Variants in TSHZ3 observed in about 807,000 individuals in gnomAD.
TSHZ3 encodes the protein teashirt homolog 3.
TSHZ3 carries 10 observed loss-of-function variants against 64.5 expected under a neutral mutation model. The observed-to-expected ratio is 0.16, with a 90% confidence interval of 0.10 to 0.26. TSHZ3 has a LOEUF of 0.26. Among genes scored for constraint, TSHZ3 ranks in the 10% least tolerant of loss-of-function variants. TSHZ3 has a pLI of 1.00. For synonymous variants in TSHZ3, 608 were observed against 593.1 expected (o/e 1.03, Z -0.36); for missense variants, 1,242 against 1,421.7 (o/e 0.87, Z 2.03).
At chr19:31,232,029 T>C (rs1251332370) in intron 3 of TSHZ3, among the ~76,000 whole-genome samples, 1 of 152,010 alleles carries the variant, frequency 6.6e-6, no homozygotes, top group African/African-American at 2.4e-5. Flanking sequence ...TCAGGGATGG[T>C]CAGAATAAAG....
intron 1 of TSHZ3, among the ~76,000 whole-genome samples, chr19:31,297,881 C>T (rs1280170934): frequency 1.3e-5 from 2 of 152,192 alleles, no homozygotes; most frequent in African/African-American, 4.8e-5. Flanking sequence ...CCTGGCCATC[C>T]CTGCCCTAAT....
intron 1 of TSHZ3, among the ~76,000 whole-genome samples, chr19:31,251,688 C>T (rs147457671): frequency 6.6e-6 from 1 of 152,308 alleles, no homozygotes; most frequent in East Asian, 1.9e-4. Flanking sequence ...GCCACCTAGA[C>T]CAGTCCATCT....
chr19:31,325,532 C>T (rs1454269623), intron 1 of TSHZ3, among the ~76,000 whole-genome samples: 2 of 152,178 alleles, frequency 1.3e-5, no homozygotes, highest in Admixed American at 6.5e-5. Context: ...CCTACCTAAG[C>T]GCTGACGGCC....
intron 1 of TSHZ3, among the ~76,000 whole-genome samples, chr19:31,310,509 C>T (rs960832667): frequency 6.6e-6 from 1 of 152,154 alleles, no homozygotes; most frequent in Admixed American, 6.5e-5. Flanking sequence ...TCCCTTCCAC[C>T]TTCTTAAAGG....
At chr19:31,265,416 A>G (rs1976041577) in intron 1 of TSHZ3, among the ~76,000 whole-genome samples, 1 of 150,018 alleles carries the variant, frequency 6.7e-6, no homozygotes, top group African/African-American at 2.4e-5. Flanking sequence ...AAAAAAAAAA[A>G]AAAAGAAAGA....
Position 31,278,329 on chromosome 19 carries a change from T to C in TSHZ3, c.1464A>G (p.Lys488=). 4 of 1,614,236 alleles carry C rather than the reference T, an allele frequency of 2.5e-6. No homozygotes were observed. The highest frequency in any genetic ancestry group is 1.6e-4 in the Middle Eastern group (1 of 6,062). The change falls in exon 2 of 2, where the codon AAA becomes AAG. Residue 488 remains lysine (K), a synonymous_variant. Coordinates refer to ENST00000240587, the MANE Select transcript of TSHZ3 (RefSeq NM_020856.4). The surrounding 1 kb of genome is among the most constrained non-coding windows in gnomAD (Gnocchi z 4.7). ...KAVTDEKPKQ[K]DKPGEEEEKC... The stretch of plus-strand genomic sequence containing the variant: ...TCTCCTCTTCTTCGCCAGGCTTGTC[T>C]TTTTGCTTAGGTTTCTCGTCAGTGA...
intron 5 of TSHZ3, among the ~76,000 whole-genome samples, chr19:31,183,208 CTCTCTCTCTCTCTCTCTCTT>C (rs1395545446): frequency 3.7e-4 from 31 of 84,496 alleles, no homozygotes; most frequent in Admixed American, 2.0e-3. Context: ...CTCTCTCTCT[CTCTCTCTCTCTCTCTCTCTT>C]TCTCTCTCTC....
chr19:31,234,007 AAG>A lies in TSHZ3; in HGVS notation n.551-5869_551-5868del, dbSNP rs1975575093. Reference sequence around the variant, plus strand: ...GAATCTATAAGTCAGTTTGGGTACAAAGAACATCTTAACACTATCTAGTCTTC... The same window carrying A: ...GAATCTATAAGTCAGTTTGGGTACAAAACATCTTAACACTATCTAGTCTTC... On this transcript the variant is annotated intron_variant and non_coding_transcript_variant, in intron 3 of 6. Coordinates refer to the TSHZ3 transcript ENST00000651361. Among the ~76,000 whole-genome samples, 6 of 151,706 alleles carry A rather than the reference AAG, an allele frequency of 4.0e-5. No individual in the cohort carries two copies. In the South Asian group the frequency reaches 1.2e-3, roughly 32 times the overall value.
At chr19:31,158,452 G>A (rs1296322821) in intron 5 of TSHZ3, among the ~76,000 whole-genome samples, 1 of 152,132 alleles carries the variant, frequency 6.6e-6, no homozygotes, top group African/African-American at 2.4e-5. Context: ...GTTCAATGCA[G>A]GCTTTACTGG....
At chr19:31,280,481 C>T (rs770034293) in intron 1 of TSHZ3, among the ~76,000 whole-genome samples, 2 of 152,066 alleles carry the variant, frequency 1.3e-5, no homozygotes, top group Admixed American at 6.5e-5. Context: ...CCCTGTCCCC[C>T]ATGTGAACAC....
chr19:31,323,911 C>T (rs1193840871), intron 1 of TSHZ3, among the ~76,000 whole-genome samples: 1 of 142,516 alleles, frequency 7.0e-6, no homozygotes, highest in East Asian at 2.0e-4. Context: ...CACACACACA[C>T]ACACACAGTG....
At chr19:31,224,943 A>G (rs1975440578) in intron 4 of TSHZ3, among the ~76,000 whole-genome samples, 1 of 152,204 alleles carries the variant, frequency 6.6e-6, no homozygotes, top group Admixed American at 6.5e-5. Flanking sequence ...TTCAGCTTTT[A>G]TGTACGGCCT....
chr19:31,178,405 C>T (rs1300553483), intron 5 of TSHZ3, among the ~76,000 whole-genome samples: 1 of 152,192 alleles, frequency 6.6e-6, no homozygotes, highest in African/African-American at 2.4e-5. Flanking sequence ...AAAGAAGGTG[C>T]TATCGGTTGG....
upstream of TSHZ3, among the ~76,000 whole-genome samples, chr19:31,350,697 C>A (rs1408110494): frequency 6.6e-6 from 1 of 151,164 alleles, no homozygotes; most frequent in East Asian, 2.0e-4. Context: ...GCGTGGGCGG[C>A]GGGGCGACGC....
At chr19:31,252,772 A>G (rs548934695) in intron 1 of TSHZ3, among the ~76,000 whole-genome samples, 1 of 152,344 alleles carries the variant, frequency 6.6e-6, no homozygotes, top group African/African-American at 2.4e-5. Flanking sequence ...GTATTTCTTC[A>G]TAGTAGTATG....
chr19:31,331,656 G>A (rs1917097430), intron 1 of TSHZ3, among the ~76,000 whole-genome samples: 1 of 152,180 alleles, frequency 6.6e-6, no homozygotes, highest in African/African-American at 2.4e-5. Context: ...AAGGAAGGAG[G>A]CCAGCGGCTG....
chr19:31,258,797 A>G (rs1025070630), intron 1 of TSHZ3, among the ~76,000 whole-genome samples: 11 of 152,224 alleles, frequency 7.2e-5, no homozygotes, highest in Admixed American at 1.3e-4. Flanking sequence ...ACAGCTTAGC[A>G]TAAGTGTCTT....
chr19:31,349,331 TC>T lies in TSHZ3; in HGVS notation c.-113del, dbSNP rs1485932867. On this transcript the variant is annotated 5_prime_UTR_variant, in exon 1 of 2. Transcript: ENST00000240587. ...GGGCGAGGCGGGCCTGCTCTCAGCCTCCCCCCCGGAGAGCGGCCGCCCGCAG... is the reference window on the plus strand; with the variant it reads ...GGGCGAGGCGGGCCTGCTCTCAGCCTCCCCCCGGAGAGCGGCCGCCCGCAG... 82 of 1,068,828 alleles carry T rather than the reference TC, an allele frequency of 7.7e-5. No homozygotes were observed. The highest frequency in any genetic ancestry group is 6.4e-4 in the Middle Eastern group (2 of 3,108). 66.2% of individuals were successfully genotyped at this position (1,068,828 alleles called of 1,614,324 possible). A position where few individuals can be genotyped will look rare whatever the true frequency, so the allele number is the denominator to read the frequency against.
intron 5 of TSHZ3, among the ~76,000 whole-genome samples, chr19:31,198,948 G>T (rs887231029): frequency 1.3e-5 from 2 of 152,084 alleles, no homozygotes; most frequent in Non-Finnish European, 2.9e-5. Flanking sequence ...ACAGGGAGAG[G>T]TAAAAGGCCC....
Sources: allele counts gnomAD v4.1 joint callset (sites outside exome capture counted in the v4.1 genomes callset), GRCh38; gene constraint gnomAD v4.1.1; non-coding constraint Gnocchi (gnomAD v3.1); transcripts MANE v1.5; gene names NCBI Gene and HGNC (gene_info 2026-07-23, HGNC 2026-07-21).